Variants in TBXT observed in about 807,000 individuals in gnomAD.
TBXT encodes T-box transcription factor T.
Under a neutral mutation model 41.1 loss-of-function variants are expected in TBXT, and 19 were observed. That is an observed-to-expected ratio of 0.46 (90% CI 0.32 to 0.68). The LOEUF (loss-of-function observed/expected upper bound fraction) is 0.68, where lower values mean the gene tolerates loss of function less well. Ranked by LOEUF, TBXT falls within the 30% of genes least tolerant of loss-of-function variation. TBXT has a pLI of 0.03. For synonymous variants in TBXT, 213 were observed against 238.9 expected (o/e 0.89, Z 1.00); for missense variants, 536 against 582.0 (o/e 0.92, Z 0.81).
intron 3 of TBXT, 126 bp from the exon 4 acceptor site, chr6:166,164,987 A>G: frequency 5.0e-6 from 4 of 799,702 alleles, no homozygotes; most frequent in Admixed American, 2.5e-5. Flanking sequence ...ACTTCTTTCC[A>G]CATACAGTTT....
chr6:166,158,132 G>A lies in TBXT; in HGVS notation c.*183C>T. ...GCACCGCTACTGCAGGTGTGAGCAA[G>A]GGATGCTGGGGCTCTGGGGAAAGGT... On this transcript the variant is annotated 3_prime_UTR_variant, in exon 8 of 8. Transcript: ENST00000366876. 2 of 901,116 alleles carry A rather than the reference G, an allele frequency of 2.2e-6. No homozygotes were observed. Among genetic ancestry groups the A allele is most frequent in the African/African-American group, 1.6e-5 (1 of 61,660 alleles). 55.8% of individuals were successfully genotyped at this position (901,116 alleles called of 1,614,324 possible).
rs1383335009 is a variant in TBXT at position 166,164,624 on chromosome 6, C to T, written c.711G>A (p.Gln237=). ...KEMMEEPGDS[Q]QPGYSQSGGW... is the part of the protein sequence containing the mutation. Reference sequence around the variant, plus strand: ...CCGTACATTGGGAGTACCCAGGTTGCTGGCTGTCTCCGGGTTCCTCCATCA... The same window carrying T: ...CCGTACATTGGGAGTACCCAGGTTGTTGGCTGTCTCCGGGTTCCTCCATCA... The change falls in exon 5 of 8, where the codon CAG becomes CAA. Residue 237 remains glutamine (Q), a synonymous_variant. Coordinates refer to ENST00000366876, the MANE Select transcript of TBXT (RefSeq NM_001366285.2). The T allele has an allele frequency of 6.2e-7, 1 of 1,613,984 alleles. No homozygotes were observed. The highest frequency in any genetic ancestry group is 1.3e-5 in the African/African-American group (1 of 74,882).
At chr6:166,161,174 C>T (rs146828399) in intron 6 of TBXT, among the ~76,000 whole-genome samples, 34 of 152,146 alleles carry the variant, frequency 2.2e-4, no homozygotes, top group African/African-American at 7.7e-4. Context: ...GAAAACATAC[C>T]CTGGTAAACC....
chr6:166,164,476 G>T, intron 5 of TBXT, 129 bp downstream of exon 5: 3 of 1,113,530 alleles, frequency 2.7e-6, no homozygotes, highest in Non-Finnish European at 4.1e-6. Flanking sequence ...GCCTCGCATG[G>T]CAAAAAGGCA....
rs141018360 is a variant in TBXT at position 166,164,636 on chromosome 6, G to A, written c.699C>T (p.Pro233=). 4.1e-4 allele frequency: 663 copies of A among 1,613,902 alleles called. 1 individual carries two copies. Among genetic ancestry groups the A allele is most frequent in the Non-Finnish European group, 5.5e-4 (645 of 1,180,014 alleles). Reference sequence around the variant, plus strand: ...AGTACCCAGGTTGCTGGCTGTCTCCGGGTTCCTCCATCATCTCTTTGTGAT... The same window carrying A: ...AGTACCCAGGTTGCTGGCTGTCTCCAGGTTCCTCCATCATCTCTTTGTGAT... ...RSDHKEMMEE[P]GDSQQPGYSQ... Residue 233 remains proline, a synonymous_variant, in exon 5 of 8, where the codon CCC becomes CCT. Transcript: ENST00000366876.
intron 1 of TBXT, among the ~76,000 whole-genome samples, 153 bp downstream of exon 1, chr6:166,167,233 A>G (rs1779146461): frequency 6.6e-6 from 1 of 152,214 alleles, no homozygotes; most frequent in Admixed American, 6.5e-5. Context: ...AGGGGCTTGT[A>G]GAAATGCACT....
intron 6 of TBXT, among the ~76,000 whole-genome samples, chr6:166,162,032 A>T (rs1461321825): frequency 6.6e-6 from 1 of 152,206 alleles, no homozygotes; most frequent in Admixed American, 6.5e-5. Flanking sequence ...TGGCCTGGGC[A>T]CCGTATTTGG....
intron 3 of TBXT, 118 bp from the exon 4 acceptor site, chr6:166,164,979 T>A (rs1779069362): frequency 3.6e-6 from 3 of 827,042 alleles, no homozygotes; most frequent in Non-Finnish European, 5.9e-6. Context: ...ATAATCAGAC[T>A]TCTTTCCACA....
At chr6:166,160,700 A>G in intron 7 of TBXT, 137 bp downstream of exon 7, 1 of 1,284,716 alleles carries the variant, frequency 7.8e-7, no homozygotes, top group Non-Finnish European at 1.1e-6. Context: ...CTGGCTAATA[A>G]AGAATTCTAA....
chr6:166,165,862 T>C, intron 2 of TBXT, 22 bp from the exon 3 acceptor site: 2 of 1,614,010 alleles, frequency 1.2e-6, no homozygotes, highest in South Asian at 1.1e-5. Flanking sequence ...AGATACAGGA[T>C]TGGTGGCACT....
At chr6:166,159,665 G>A (rs751627401) in intron 7 of TBXT, among the ~76,000 whole-genome samples, 2 of 152,210 alleles carry the variant, frequency 1.3e-5, no homozygotes, top group Admixed American at 1.3e-4. Flanking sequence ...TTTATTTTGG[G>A]AAATAACCTT....
intron 3 of TBXT, 99 bp downstream of exon 3, chr6:166,165,605 CAG>C: frequency 1.3e-6 from 2 of 1,583,432 alleles, no homozygotes; most frequent in Non-Finnish European, 1.7e-6. Flanking sequence ...GCCTTCCTCT[CAG>C]TGCGGGTTAG....
chr6:166,167,357 G>A (rs1218647656), intron 1 of TBXT, 29 bp downstream of exon 1: 1 of 1,610,546 alleles, frequency 6.2e-7, no homozygotes, highest in East Asian at 2.2e-5. Flanking sequence ...GGAGAGCGCG[G>A]CGCGCGCGGG....
chr6:166,162,745 T>C (rs942130796), intron 5 of TBXT, 122 bp from the exon 6 acceptor site: 2 of 665,700 alleles, frequency 3.0e-6, no homozygotes, highest in African/African-American at 3.6e-5. Context: ...GGCCAGGGAC[T>C]CTCCCTCCAT....
At chr6:166,167,892 G>A (rs954809411), upstream of TBXT, 22 of 496,344 alleles carry the variant, frequency 4.4e-5, no homozygotes, top group African/African-American at 4.1e-4. Flanking sequence ...ATAGAGCCGC[G>A]GCGGCAGCGC....
chr6:166,164,562 C>T (rs1779055748), intron 5 of TBXT, 43 bp downstream of exon 5: 1 of 1,611,390 alleles, frequency 6.2e-7, no homozygotes, highest in African/African-American at 1.3e-5. Context: ...CAAGTCTAGT[C>T]CCGATGACGC....
chr6:166,164,412 C>T (rs910004983), intron 5 of TBXT, among the ~76,000 whole-genome samples, 193 bp downstream of exon 5: 5 of 152,166 alleles, frequency 3.3e-5, no homozygotes, highest in Non-Finnish European at 7.4e-5. Flanking sequence ...TCCACAGCCC[C>T]GATTAGAGCA....
intron 6 of TBXT, among the ~76,000 whole-genome samples, 189 bp downstream of exon 6, chr6:166,162,258 C>T (rs1048257823): frequency 6.6e-6 from 1 of 152,220 alleles, no homozygotes; most frequent in Non-Finnish European, 1.5e-5. Flanking sequence ...GTGGTTGTTC[C>T]GCCAGCAGCG....
chr6:166,162,509 G>T lies in TBXT; in HGVS notation c.845C>A (p.Thr282Asn). Residue 282 changes from threonine to asparagine, a missense_variant, in exon 6 of 8, where the codon ACC becomes AAC. Physicochemically the swap from Thr to Asn is moderately conservative, Grantham distance 65. Coordinates refer to ENST00000366876, the MANE Select transcript of TBXT (RefSeq NM_001366285.2). ...GGGTGAGGACCGGTGGCTCCTCAGGGTTGGGTACCTGTCACAGCTGTGCGT... is the reference window on the plus strand; with the variant it reads ...GGGTGAGGACCGGTGGCTCCTCAGGTTTGGGTACCTGTCACAGCTGTGCGT... Reference protein sequence around the residue: ...PSTHSCDRYPTLRSHRSSPYP... With the variant: ...PSTHSCDRYPNLRSHRSSPYP... The T allele has an allele frequency of 1.2e-6, 2 of 1,614,170 alleles. No homozygotes were observed. The highest frequency in any genetic ancestry group is 1.7e-6 in the Non-Finnish European group (2 of 1,180,024).
Sources: gnomAD v4.1 joint callset for allele counts (sites outside exome capture counted in the v4.1 genomes callset) on GRCh38, gnomAD v4.1.1 for gene constraint, MANE v1.5 for transcripts, NCBI Gene and HGNC (gene_info 2026-07-23, HGNC 2026-07-21) for gene names.